Variants in IRF8 observed in about 807,000 individuals in gnomAD.
IRF8 encodes interferon regulatory factor 8.
In IRF8, 14 loss-of-function variants were observed where a neutral mutation model predicts 48.7. That is an observed-to-expected ratio of 0.29 (90% CI 0.19 to 0.45). The LOEUF (loss-of-function observed/expected upper bound fraction) is 0.45. Among genes scored for constraint, IRF8 ranks in the 20% least tolerant of loss-of-function variants. The probability of loss-of-function intolerance (pLI) is 1.00; values close to 1 mark genes in which losing one functional copy is unlikely to be tolerated. For missense variants in IRF8, 493 were observed against 580.7 expected, an observed-to-expected ratio of 0.85 and a Z score of 1.55; for synonymous variants, 278 against 227.3, an observed-to-expected ratio of 1.22 and a Z score of -2.01.
intron 1 of IRF8, among the ~76,000 whole-genome samples, chr16:85,900,197 G>A (rs116455373): frequency 2.0e-5 from 3 of 152,116 alleles, no homozygotes; most frequent in East Asian, 1.9e-4. Flanking sequence ...CCTCCGAGGC[G>A]GGGGAGAGGG....
At chr16:85,916,290 A>G (rs305068) in intron 6 of IRF8, among the ~76,000 whole-genome samples, 26,224 of 152,246 alleles carry the variant, frequency 0.17, 2,489 homozygotes, top group African/African-American at 0.24. Context: ...GCTGGGCAGC[A>G]GCTGGGCTGG....
chr16:85,900,429 GT>G (rs1166267786), intron 1 of IRF8, among the ~76,000 whole-genome samples: 1 of 152,228 alleles, frequency 6.6e-6, no homozygotes, highest in Non-Finnish European at 1.5e-5. Context: ...GGTGGAATTC[GT>G]TTGTTAATGT....
rs777345403 is a variant in IRF8, at chr16:85,913,224, C to G, written c.541C>G (p.Gln181Glu). The G allele has an allele frequency of 3.1e-6, 5 of 1,611,826 alleles. No homozygotes were observed. In the South Asian group the frequency reaches 5.5e-5, roughly 18 times the overall value. The change falls in exon 5 of 9, where the codon CAG (glutamine) becomes GAG (glutamate). Residue 181 changes from glutamine (Q) to glutamate (E), a missense_variant. Physicochemically the swap from Gln to Glu is conservative, Grantham distance 29. This residue lies in a region of IRF8 where 408 missense variants were observed against 449.6 expected (regional missense o/e 0.91). Coordinates refer to ENST00000268638, the MANE Select transcript of IRF8 (RefSeq NM_002163.4). ...GCTCCTTCCAGACTGGTGGGCGCAG[C>G]AGCCCAGCACAGGTGAGGGTGGGTG... ...SQLLPDWWAQ[Q>E]PSTGVPLVTG...
intron 1 of IRF8, among the ~76,000 whole-genome samples, chr16:85,901,948 G>A (rs1904839241): frequency 6.6e-6 from 1 of 150,692 alleles, no homozygotes; most frequent in East Asian, 1.9e-4. Flanking sequence ...TTTTTGGGTG[G>A]GCGTCTATCC....
At chr16:85,909,782 G>A (rs1648721569) in intron 3 of IRF8, 1 of 157,062 alleles carries the variant, frequency 6.4e-6, no homozygotes. Context: ...AAATCCCAAA[G>A]TACTGAGCTG....
intron 2 of IRF8, among the ~76,000 whole-genome samples, chr16:85,907,445 C>T (rs897477982): frequency 3.9e-5 from 6 of 152,256 alleles, no homozygotes; most frequent in Admixed American, 2.6e-4. Flanking sequence ...TTTGGGAGGC[C>T]GAGGCAGGCG....
chr16:85,903,516 C>T, intron 2 of IRF8: 1 of 360,642 alleles, frequency 2.8e-6, no homozygotes. Flanking sequence ...GACCTTTCCC[C>T]ACGGGCTTCC....
chr16:85,902,553 T>G (rs1904858306), intron 1 of IRF8: 1 of 240,108 alleles, frequency 4.2e-6, no homozygotes, highest in Non-Finnish European at 8.3e-6. Context: ...GACGCAGTAT[T>G]CTATCAGGGA....
At chr16:85,914,300 C>T in intron 5 of IRF8, 173 bp from the exon 6 acceptor site, 1 of 705,338 alleles carries the variant, frequency 1.4e-6, no homozygotes, top group Non-Finnish European at 2.5e-6. Flanking sequence ...GAAACAATGG[C>T]TCTCTGCTCT....
At chr16:85,916,819 G>C (rs1286094838) in intron 6 of IRF8, among the ~76,000 whole-genome samples, 1 of 152,234 alleles carries the variant, frequency 6.6e-6, no homozygotes, top group Non-Finnish European at 1.5e-5. Context: ...GGCGTGGGGG[G>C]AAGATGATGA....
rs531368668 is a variant in IRF8, at chr16:85,914,595, C to T, written c.601+75C>T. On this transcript the variant is annotated intron_variant, in intron 6 of 8. Transcript: ENST00000268638. ...AGCCCAGATAACCCAAGCAGGGTTG[C>T]GGGGTTTCGAGGATGAGCAGGACCT... 78 of 1,557,310 alleles carry T rather than the reference C, an allele frequency of 5.0e-5. 1 individual carries two copies. Among genetic ancestry groups the T allele is most frequent in the Admixed American group, 2.0e-4 (12 of 59,082 alleles).
chr16:85,918,708 T>C lies in IRF8; in HGVS notation c.893T>C (p.Phe298Ser), dbSNP rs1905418270. Reference sequence around the variant, plus strand: ...AAGCGGCTGTGCCAGGGCCGCGTGTTCTGCAGCGGCAACGCCGTGGTGTGC... The same window carrying C: ...AAGCGGCTGTGCCAGGGCCGCGTGTCCTGCAGCGGCAACGCCGTGGTGTGC... ...FVKRLCQGRVFCSGNAVVCKG... is the reference protein window; with the variant it reads ...FVKRLCQGRVSCSGNAVVCKG... The change falls in exon 7 of 9, where the codon TTC (phenylalanine) becomes TCC (serine). Residue 298 changes from phenylalanine (F) to serine (S), a missense_variant. Transcript: ENST00000268638. The C allele has an allele frequency of 6.2e-7, 1 of 1,612,446 alleles. No individual in the cohort carries two copies. Among genetic ancestry groups the C allele is most frequent in the Non-Finnish European group, 8.5e-7 (1 of 1,180,008 alleles).
In IRF8 at chr16:85,909,307, C is replaced by A. The variant is rs549340382; in HGVS notation, c.358+134C>A. 12 of 744,996 alleles carry A rather than the reference C, an allele frequency of 1.6e-5. No homozygotes were observed. In the Admixed American group the frequency reaches 2.1e-4, roughly 13 times the overall value. 46.1% of individuals were successfully genotyped at this position (744,996 alleles called of 1,614,324 possible). ...AGTTAAACAAAGCAGTTCTCTCCTT[C>A]GTGTAAGCAGAAATTGAGATCTCTT... On this transcript the variant is annotated intron_variant, in intron 3 of 8. Coordinates refer to ENST00000268638, the MANE Select transcript of IRF8 (RefSeq NM_002163.4).
chr16:85,911,728 G>A (rs1237445274), intron 4 of IRF8, 70 bp downstream of exon 4: 29 of 1,353,484 alleles, frequency 2.1e-5, no homozygotes, highest in African/African-American at 4.3e-5. Context: ...GCAGGGAGGG[G>A]CACCGTTCTT....
rs1234157533 is a variant in IRF8, at chr16:85,921,243, G to A, written c.1242G>A (p.Gln414=). 1.9e-6 allele frequency: 3 copies of A among 1,614,084 alleles called. No individual in the cohort carries two copies. Among genetic ancestry groups the A allele is most frequent in the Non-Finnish European group, 2.5e-6 (3 of 1,180,062 alleles). The change falls in exon 9 of 9, where the codon CAG becomes CAA. Residue 414 remains glutamine (Q), a synonymous_variant. Coordinates refer to ENST00000268638, the MANE Select transcript of IRF8 (RefSeq NM_002163.4). ...TTCCAGATATTTGTGCCTCACACCA[G>A]AGATCATTTTTCAGAGAAAACCAAC... is the stretch of plus-strand genomic sequence containing the variant. ...RMFPDICASH[Q]RSFFRENQQI...
intron 6 of IRF8, among the ~76,000 whole-genome samples, chr16:85,917,029 G>T (rs1905331617): frequency 6.6e-6 from 1 of 152,208 alleles, no homozygotes; most frequent in Non-Finnish European, 1.5e-5. Flanking sequence ...GGCTGGAAAT[G>T]GAGCCCGTGA....
chr16:85,909,660 A>G (rs1905091093), intron 3 of IRF8: 1 of 185,968 alleles, frequency 5.4e-6, no homozygotes, highest in Non-Finnish European at 1.1e-5. Flanking sequence ...GAACTCCGGG[A>G]TGTGATCATT....
At position 85,918,623 on chromosome 16, in the gene IRF8, C is replaced by G; in HGVS notation, c.808C>G (p.Leu270Val). 3 of 1,608,166 alleles carry G rather than the reference C, an allele frequency of 1.9e-6. No individual in the cohort carries two copies. The highest frequency in any genetic ancestry group is 1.7e-6 in the Non-Finnish European group (2 of 1,179,522). The change falls in exon 7 of 9, where the codon CTG (leucine) becomes GTG (valine). Residue 270 changes from leucine (L) to valine (V), a missense_variant. By Grantham distance (32) the Leu-to-Val change is conservative. Around this residue, in one of 3 missense-constraint regions of IRF8, gnomAD observed 408 missense variants for 449.6 expected, o/e 0.91. Transcript: ENST00000268638. ...SERQRQVTRK[L>V]FGHLERGVLL... is the part of the protein sequence containing the mutation. Reference sequence around the variant, plus strand: ...GCGACAGAGGCAGGTGACGCGGAAGCTGTTCGGGCACCTGGAGCGCGGGGT... The same window carrying G: ...GCGACAGAGGCAGGTGACGCGGAAGGTGTTCGGGCACCTGGAGCGCGGGGT...
intron 5 of IRF8, 144 bp downstream of exon 5, chr16:85,913,380 C>T (rs116041830): frequency 1.0e-5 from 7 of 683,944 alleles, no homozygotes; most frequent in East Asian, 2.7e-5. Context: ...AGGTGAAGAA[C>T]GATGGCCCTG....
Sources: allele counts gnomAD v4.1 joint callset (sites outside exome capture counted in the v4.1 genomes callset), GRCh38; gene constraint gnomAD v4.1.1; regional missense constraint gnomAD v4.1.1; transcripts MANE v1.5; gene names NCBI Gene and HGNC (gene_info 2026-07-23, HGNC 2026-07-21).